TRIM29: variants seen among roughly 807,000 people sequenced by gnomAD.
TRIM29 encodes the protein tripartite motif-containing protein 29.
In TRIM29, 52 loss-of-function variants were observed where a neutral mutation model predicts 57.3. That is an observed-to-expected ratio of 0.91 (90% confidence interval 0.73 to 1.14). TRIM29 has a LOEUF of 1.14. Among genes scored for constraint, TRIM29 ranks in the 50% most tolerant of loss-of-function variants. The probability of loss-of-function intolerance (pLI) is 0.00; values close to 1 mark genes in which losing one functional copy is unlikely to be tolerated. For synonymous variants in TRIM29, 319 were observed against 316.9 expected (o/e 1.01, Z -0.07); for missense variants, 753 against 774.6 (o/e 0.97, Z 0.33).
At chr11:120,122,053 A>C (rs1863461849) in intron 5 of TRIM29, 2 of 428,716 alleles carry the variant, frequency 4.7e-6, no homozygotes, top group African/African-American at 4.1e-5. Flanking sequence ...TTGTTTTCAA[A>C]CTGGGTGGGG....
At position 120,127,389 on chromosome 11, in the gene TRIM29, T is replaced by C. The variant is rs373871200; in HGVS notation, c.1081A>G (p.Lys361Glu). 9.9e-6 allele frequency: 16 copies of C among 1,614,028 alleles called. No individual in the cohort carries two copies. Among genetic ancestry groups the C allele is most frequent in the Non-Finnish European group, 1.4e-5 (16 of 1,180,030 alleles). ...CTATGCAGCTGCTCCCGGGTCTGCT[T>C]GTCCTCATGCAGCACCTTGGCTCTC... is the stretch of plus-strand genomic sequence containing the variant. Reference protein sequence around the residue: ...DERAKVLHEDKQTREQLHSIS... With the variant: ...DERAKVLHEDEQTREQLHSIS... Residue 361 changes from lysine (K) to glutamate (E), a missense_variant, in exon 3 of 9, where the codon AAG becomes GAG. Transcript: ENST00000341846.
chr11:120,125,539 T>C (rs1863563699), intron 4 of TRIM29, 152 bp downstream of exon 4: 2 of 729,290 alleles, frequency 2.7e-6, no homozygotes, highest in African/African-American at 4.3e-5. Context: ...AGAATCCCTG[T>C]ATCCTAGTCC....
chr11:120,118,153 G>T, intron 7 of TRIM29, 70 bp downstream of exon 7: 2 of 1,375,900 alleles, frequency 1.5e-6, no homozygotes, highest in Non-Finnish European at 2.1e-6. Context: ...TCAGCGAAGA[G>T]ACCCAAGCAG....
At chr11:120,129,696 G>A (rs932073785) in intron 1 of TRIM29, among the ~76,000 whole-genome samples, 1 of 151,714 alleles carries the variant, frequency 6.6e-6, no homozygotes, top group Non-Finnish European at 1.5e-5. Context: ...GGCACCCGGG[G>A]AAGTGGATCC....
chr11:120,112,397 T>A lies in TRIM29; in HGVS notation c.*17A>T. The A allele has an allele frequency of 6.2e-7, 1 of 1,613,302 alleles. No individual in the cohort carries two copies. On this transcript the variant is annotated 3_prime_UTR_variant, in exon 9 of 9. Transcript: ENST00000341846. ...GGAAGAGCAGGGGTGTGGCGCCTCG[T>A]TCCTTCCGCCAGGAGCTCATGGGGC...
intron 6 of TRIM29, 88 bp from the exon 7 acceptor site, chr11:120,118,409 C>G (rs1002419594): frequency 1.0e-6 from 1 of 1,001,860 alleles, no homozygotes; most frequent in African/African-American, 1.6e-5. Context: ...CTATGACTCT[C>G]TAGCCGCTGG....
At chr11:120,132,303 TG>T (rs955809768) in intron 1 of TRIM29, among the ~76,000 whole-genome samples, 7 of 151,972 alleles carry the variant, frequency 4.6e-5, no homozygotes, top group Non-Finnish European at 8.8e-5. Context: ...AGAAAGTGGT[TG>T]AAGGCCCTGA....
At chr11:120,116,268 A>G (rs1193294284) in intron 7 of TRIM29, 1 of 152,346 alleles carries the variant, frequency 6.6e-6, no homozygotes, top group Non-Finnish European at 1.5e-5. Flanking sequence ...CAGCCCAGAC[A>G]GACCTGAAAG....
At position 120,137,513 on chromosome 11, in the gene TRIM29, G is replaced by T. The variant is rs371202079; in HGVS notation, c.519C>A (p.Cys173Ter). 6.2e-7 allele frequency: 1 copy of T among 1,603,696 alleles called. No individual in the cohort carries two copies. ...RSKSGSEEVL[C>*]DSCIGNKQKA... ...TCTGCTTGTTGCCGATGCAGGAGTC[G>T]CACAGCACCTCCTCGGAGCCGGACT... is the stretch of plus-strand genomic sequence containing the variant. Residue 173 changes from cysteine (C) to a stop codon, truncating the protein, a stop_gained, in exon 1 of 9, where the codon TGC becomes TGA. Transcript: ENST00000341846. LOFTEE classifies it high-confidence loss of function. The surrounding 1 kb of genome is among the most constrained non-coding windows in gnomAD (Gnocchi z 6.2).
intron 1 of TRIM29, among the ~76,000 whole-genome samples, chr11:120,134,610 C>T (rs933699838): frequency 2.6e-5 from 4 of 152,230 alleles, no homozygotes; most frequent in African/African-American, 9.6e-5. Context: ...CACTTCTCCC[C>T]GCCTAGCCCT....
intron 4 of TRIM29, chr11:120,123,707 CTT>C: frequency 2.9e-6 from 1 of 342,988 alleles, no homozygotes; most frequent in Non-Finnish European, 5.7e-6. Flanking sequence ...TCTCTTTCGA[CTT>C]CCCCGTCTTC....
intron 5 of TRIM29, among the ~76,000 whole-genome samples, chr11:120,122,163 T>TGAGA (rs1555050299): frequency 2.0e-5 from 3 of 148,862 alleles, no homozygotes; most frequent in Non-Finnish European, 3.0e-5. Flanking sequence ...TGTGTGTGTG[T>TGAGA]GAAAGACGTG....
chr11:120,125,621 C>A, intron 4 of TRIM29, 70 bp downstream of exon 4: 1 of 1,563,016 alleles, frequency 6.4e-7, no homozygotes. Context: ...CAGCCCATGT[C>A]AGGCAGCAGG....
chr11:120,117,539 G>C (rs947161743), intron 7 of TRIM29: 1 of 154,426 alleles, frequency 6.5e-6, no homozygotes, highest in Non-Finnish European at 1.4e-5. Flanking sequence ...AAGAGAGACA[G>C]GGTTACTCCC....
rs866812304 is a variant in TRIM29 at position 120,112,449 on chromosome 11, T to G, written c.1732A>C (p.Lys578Gln). The G allele has an allele frequency of 1.9e-6, 3 of 1,613,126 alleles. No homozygotes were observed. Among genetic ancestry groups the G allele is most frequent in the Non-Finnish European group, 2.5e-6 (3 of 1,179,686 alleles). ...LSHYRPFYVN[K>Q]GNGIGSNEAP is the part of the protein sequence containing the mutation. ...TCGTTGGACCCAATCCCGTTGCCTT[T>G]GTTGACGTAGAATGGCCGGTAGTGA... Residue 578 changes from lysine (K) to glutamine (Q), a missense_variant, in exon 9 of 9, where the codon AAA (lysine) becomes CAA (glutamine). Physicochemically the swap from Lys to Gln is moderately conservative, Grantham distance 53. Coordinates refer to ENST00000341846, the MANE Select transcript of TRIM29 (RefSeq NM_012101.4).
At chr11:120,115,913 G>A (rs1555049136) in intron 7 of TRIM29, 1 of 162,592 alleles carries the variant, frequency 6.2e-6, no homozygotes, top group Non-Finnish European at 1.4e-5. Context: ...GGACTTTGTA[G>A]ATGTCTCCTC....
chr11:120,134,516 C>T (rs545532786), intron 1 of TRIM29, among the ~76,000 whole-genome samples: 1 of 152,240 alleles, frequency 6.6e-6, no homozygotes, highest in Non-Finnish European at 1.5e-5. Context: ...CTGCTCTGTG[C>T]CAATGTCCCC....
At position 120,125,582 on chromosome 11, in the gene TRIM29, G is replaced by C. The variant is rs982765926; in HGVS notation, c.1333+109C>G. 6.7e-6 allele frequency: 8 copies of C among 1,187,042 alleles called. No homozygotes were observed. The African/African-American group carries it at 9.3e-5, about 14-fold the overall frequency. The allele number at this position is 1,187,042 out of a possible 1,614,324, so 73.5% of individuals were successfully genotyped here. A position where few individuals can be genotyped will look rare whatever the true frequency, so the allele number is the denominator to read the frequency against. ...CTGAGGAAGGGTGGGTGGGTGGGTG[G>C]GAACAATGAGAAGAAGCTCACTGGA... On this transcript the variant is annotated intron_variant, in intron 4 of 8. Coordinates refer to ENST00000341846, the MANE Select transcript of TRIM29 (RefSeq NM_012101.4).
chr11:120,112,217 G>A lies in TRIM29; in HGVS notation c.*197C>T. On this transcript the variant is annotated 3_prime_UTR_variant, in exon 9 of 9. Transcript: ENST00000341846. Reference sequence around the variant, plus strand: ...CCATCTGAGGTCACAAGGCAGGAAAGGAGTCTGAATGGAGTGTGGCCAGTG... The same window carrying A: ...CCATCTGAGGTCACAAGGCAGGAAAAGAGTCTGAATGGAGTGTGGCCAGTG... 1.8e-6 allele frequency: 1 copy of A among 566,688 alleles called. No homozygotes were observed. The allele number at this position is 566,688 out of a possible 1,614,324, so 35.1% of individuals were successfully genotyped here.
Sources: gnomAD v4.1 joint callset for allele counts (sites outside exome capture counted in the v4.1 genomes callset) on GRCh38, gnomAD v4.1.1 for gene constraint, Gnocchi (gnomAD v3.1) non-coding constraint, MANE v1.5 for transcripts, NCBI Gene and HGNC (gene_info 2026-07-23, HGNC 2026-07-21) for gene names.